The following LRRC7 variants were observed in gnomAD, a reference collection of about 807,000 sequenced individuals.
The protein encoded by LRRC7 is leucine rich repeat containing 7, also known as leucine-rich repeat-containing protein 7.
In LRRC7, 23 loss-of-function variants were observed where a neutral mutation model predicts 175.7. The observed-to-expected ratio is 0.13, with a 90% CI of 0.09 to 0.19. LRRC7 has a LOEUF of 0.19. Among genes scored for constraint, LRRC7 ranks in the 10% least tolerant of loss-of-function variants. LRRC7 has a pLI of 1.00. For missense variants in LRRC7, 1,354 were observed against 1,904.7 expected (o/e 0.71, Z 5.38); for synonymous variants, 685 against 680.9 (o/e 1.01, Z -0.09).
Position 70,132,729 on chromosome 1 carries a change from C to T in LRRC7, c.*10842C>T, listed in dbSNP as rs1387743191. Among the ~76,000 whole-genome samples, 4 of 152,048 alleles carry T rather than the reference C, an allele frequency of 2.6e-5. No individual in the cohort carries two copies. The highest frequency in any genetic ancestry group is 5.9e-5 in the Non-Finnish European group (4 of 68,004). ...CTCGTGATCCACCTGCCTCGGACTC[C>T]CAAAGTACGGGGATTACAGGCGTGA... On this transcript the variant is annotated 3_prime_UTR_variant, in exon 27 of 27. Transcript: ENST00000651989.
intron 2 of LRRC7, among the ~76,000 whole-genome samples, chr1:69,718,162 A>AAGAAAGAAAGAAAGAAAG (rs1451294443): frequency 6.6e-6 from 1 of 150,500 alleles, no homozygotes; most frequent in Non-Finnish European, 1.5e-5. Flanking sequence ...GAAAGAAAGA[A>AAGAAAGAAAGAAAGAAAG]AGAAAGAAAG....
chr1:69,998,915 G>T (rs759991346), intron 11 of LRRC7, among the ~76,000 whole-genome samples: 8 of 152,154 alleles, frequency 5.3e-5, no homozygotes, highest in Non-Finnish European at 1.2e-4. Context: ...GGATACATGT[G>T]TGCCTTGAGC....
intron 8 of LRRC7, among the ~76,000 whole-genome samples, chr1:69,934,491 T>C (rs1338251407): frequency 5.0e-5 from 1 of 19,924 alleles, no homozygotes; most frequent in Non-Finnish European, 9.4e-5. Flanking sequence ...ATAGATATTT[T>C]GGCGGGGGGG....
At chr1:70,079,699 C>G (rs1307397054) in intron 24 of LRRC7, among the ~76,000 whole-genome samples, 2 of 152,182 alleles carry the variant, frequency 1.3e-5, no homozygotes, top group Admixed American at 6.5e-5. Flanking sequence ...TTCTCACACA[C>G]AGGTCTGGCA....
At position 70,127,327 on chromosome 1, in the gene LRRC7, A is replaced by G. The variant is rs1006891537; in HGVS notation, c.*5440A>G. On this transcript the variant is annotated 3_prime_UTR_variant, in exon 27 of 27. Transcript: ENST00000651989. ...GAATGGTTTGGAAACACTCCCTGGTAAGGATATAAATTGCACAGCTTCTAC... is the reference window on the plus strand; with the variant it reads ...GAATGGTTTGGAAACACTCCCTGGTGAGGATATAAATTGCACAGCTTCTAC... Among the ~76,000 whole-genome samples, 1 of 152,196 alleles carries G rather than the reference A, an allele frequency of 6.6e-6. No individual in the cohort carries two copies. Among genetic ancestry groups the G allele is most frequent in the Non-Finnish European group, 1.5e-5 (1 of 68,030 alleles).
chr1:69,993,576 T>C (rs1368858288), intron 10 of LRRC7, among the ~76,000 whole-genome samples: 2 of 152,014 alleles, frequency 1.3e-5, no homozygotes, highest in Non-Finnish European at 2.9e-5. Context: ...ATAATAAATC[T>C]GGAGAGTCAC....
rs1227574997 is a variant in LRRC7, at chr1:69,834,661, C to G, written c.501-119C>G. The G allele has an allele frequency of 3.6e-6, 3 of 824,450 alleles. No homozygotes were observed. The East Asian group carries it at 8.0e-5, about 22-fold the overall frequency. The allele number at this position is 824,450 out of a possible 1,614,324, so 51.1% of individuals were successfully genotyped here. ...ATAAATTCTTTCATTACTGTAATAC[C>G]AAAGGAGAGTTGAAAAATGTATTAC... On this transcript the variant is annotated intron_variant, in intron 5 of 26. Coordinates refer to ENST00000651989, the MANE Select transcript of LRRC7 (RefSeq NM_001370785.2).
At chr1:69,912,761 T>G (rs1450979652) in intron 7 of LRRC7, among the ~76,000 whole-genome samples, 1 of 152,210 alleles carries the variant, frequency 6.6e-6, no homozygotes, top group Non-Finnish European at 1.5e-5. Flanking sequence ...TAGAAAGTAA[T>G]AAAATTCAGG....
chr1:69,856,509 C>A (rs1683646233), intron 7 of LRRC7, among the ~76,000 whole-genome samples: 1 of 152,106 alleles, frequency 6.6e-6, no homozygotes, highest in Admixed American at 6.6e-5. Flanking sequence ...ACTGGAAAAT[C>A]TAGAAGAAAT....
intron 1 of LRRC7, among the ~76,000 whole-genome samples, chr1:69,616,872 CCAAT>C (rs1649711904): frequency 1.3e-5 from 2 of 151,976 alleles, no homozygotes; most frequent in Non-Finnish European, 2.9e-5. Flanking sequence ...TTATTTACAA[CCAAT>C]CAAACTTCAA....
chr1:69,801,183 T>C (rs1393195230), intron 4 of LRRC7, among the ~76,000 whole-genome samples: 1 of 151,822 alleles, frequency 6.6e-6, no homozygotes, highest in African/African-American at 2.4e-5. Flanking sequence ...ATAGTTTTAT[T>C]GTCGTGTCCT....
chr1:70,051,114 G>T (rs1204788123), intron 22 of LRRC7, among the ~76,000 whole-genome samples: 1 of 151,934 alleles, frequency 6.6e-6, no homozygotes, highest in Non-Finnish European at 1.5e-5. Context: ...TGACTAAAAG[G>T]ATTTCACATT....
rs1646237252 is a variant in LRRC7 at position 69,904,573 on chromosome 1, A to C, written c.648-26934A>C. Among the ~76,000 whole-genome samples the C allele has an allele frequency of 5.1e-5, 3 of 58,928 alleles. No homozygotes were observed. The South Asian group carries it at 1.5e-3, about 29-fold the overall frequency. The allele number at this position is 58,928 out of a possible 152,430, so 38.7% of individuals were successfully genotyped here. A position where few individuals can be genotyped will look rare whatever the true frequency, so the allele number is the denominator to read the frequency against. ...TAAAAATTTCTTTTTTAGTATTTCG[A>C]GTAACATAAAAAATTATGCAAATAT... On this transcript the variant is annotated intron_variant, in intron 7 of 26. Transcript: ENST00000651989.
intron 3 of LRRC7, among the ~76,000 whole-genome samples, chr1:69,782,167 A>G (rs1478391861): frequency 2.0e-5 from 3 of 152,186 alleles, no homozygotes; most frequent in Non-Finnish European, 4.4e-5. Flanking sequence ...ACTTGCACCT[A>G]TGTAATAGGC....
At chr1:69,906,825 C>A (rs1014896664) in intron 7 of LRRC7, among the ~76,000 whole-genome samples, 1 of 152,098 alleles carries the variant, frequency 6.6e-6, no homozygotes, top group Non-Finnish European at 1.5e-5. Context: ...GTGGGGATGG[C>A]GTTGAATCTA....
intron 7 of LRRC7, among the ~76,000 whole-genome samples, chr1:69,846,364 A>G (rs1682368744): frequency 6.6e-6 from 1 of 152,148 alleles, no homozygotes; most frequent in South Asian, 2.1e-4. Flanking sequence ...ACAAAAACCA[A>G]GTAACACCAT....
chr1:69,761,084 G>C (rs1570659994), intron 3 of LRRC7, among the ~76,000 whole-genome samples: 1 of 151,954 alleles, frequency 6.6e-6, no homozygotes, highest in South Asian at 2.1e-4. Context: ...AAGACTGGAT[G>C]ATAAGAGATT....
chr1:69,595,762 A>G (rs1222253725), intron 1 of LRRC7, among the ~76,000 whole-genome samples: 1 of 152,114 alleles, frequency 6.6e-6, no homozygotes, highest in Admixed American at 6.5e-5. Context: ...ATGGCACTTC[A>G]ATAATATATT....
At chr1:69,934,698 A>G (rs1269059193) in intron 8 of LRRC7, among the ~76,000 whole-genome samples, 1 of 152,044 alleles carries the variant, frequency 6.6e-6, no homozygotes, top group African/African-American at 2.4e-5. Context: ...CATTTTCTTT[A>G]ATGAAGTCAA....
Sources: gnomAD v4.1 joint callset for allele counts (sites outside exome capture counted in the v4.1 genomes callset) on GRCh38, gnomAD v4.1.1 for gene constraint, MANE v1.5 for transcripts, NCBI Gene and HGNC (gene_info 2026-07-23, HGNC 2026-07-21) for gene names.